ANGPT4: variants seen among roughly 807,000 people sequenced by gnomAD.
The protein encoded by ANGPT4 is angiopoietin 4, also known as angiopoietin-4.
ANGPT4 carries 50 observed loss-of-function variants against 53.0 expected under a neutral mutation model. That is an observed-to-expected ratio of 0.94 (90% CI 0.75 to 1.20). The LOEUF is 1.20. Among genes scored for constraint, ANGPT4 ranks in the 50% most tolerant of loss-of-function variants. The pLI, the probability that ANGPT4 is intolerant of heterozygous loss-of-function variation, is 0.00. For synonymous variants in ANGPT4, 251 were observed against 259.7 expected, an observed-to-expected ratio of 0.97 and a Z score of 0.32; for missense variants, 648 against 637.1, an observed-to-expected ratio of 1.02 and a Z score of -0.18.
chr20:879,789 A>T lies in ANGPT4; in HGVS notation c.1011T>A (p.Asn337Lys). 6.2e-7 allele frequency: 1 copy of T among 1,613,794 alleles called. No individual in the cohort carries two copies. The highest frequency in any genetic ancestry group is 8.5e-7 in the Non-Finnish European group (1 of 1,179,834). The change falls in exon 6 of 9, where the codon AAT (asparagine) becomes AAA (lysine). Residue 337 changes from asparagine to lysine, a missense_variant. Coordinates refer to ENST00000381922, the MANE Select transcript of ANGPT4 (RefSeq NM_015985.4). ...AGTTCCGCTGAAAATTCACGGTGCC[A>T]TTCTCACGGCGCTGGATGAGGGTCC... ...GRWTLIQRRE[N>K]GTVNFQRNWK...
At chr20:873,257 G>A (rs1981019681) in intron 8 of ANGPT4, 137 bp from the exon 9 acceptor site, 4 of 763,106 alleles carry the variant, frequency 5.2e-6, no homozygotes, top group South Asian at 1.8e-5. Flanking sequence ...GGCTGGGGAT[G>A]GGGCTGGGTG....
intron 1 of ANGPT4, among the ~76,000 whole-genome samples, chr20:897,261 C>T (rs764973106): frequency 1.3e-4 from 20 of 152,222 alleles, no homozygotes; most frequent in South Asian, 6.2e-4. Context: ...CAGGAGGACT[C>T]CTTCAGGAGA....
chr20:912,361 C>T (rs950826238), intron 1 of ANGPT4, among the ~76,000 whole-genome samples: 1 of 152,170 alleles, frequency 6.6e-6, no homozygotes, highest in Non-Finnish European at 1.5e-5. Flanking sequence ...AGGGAAGGGC[C>T]AGCACTGGGT....
Position 891,168 on chromosome 20 carries a change from C to T in ANGPT4, c.310-800G>A, listed in dbSNP as rs573107692. On this transcript the variant is annotated intron_variant, in intron 1 of 8. Coordinates refer to ENST00000381922, the MANE Select transcript of ANGPT4 (RefSeq NM_015985.4). Reference sequence around the variant, plus strand: ...AAACAGCAAGGGTCAGAGCACAGCGCCCAATCACATGCCCCTTCACCAGCT... The same window carrying T: ...AAACAGCAAGGGTCAGAGCACAGCGTCCAATCACATGCCCCTTCACCAGCT... 2.6e-5 allele frequency among the ~76,000 whole-genome samples: 4 copies of T among 152,308 alleles called. No individual in the cohort carries two copies. The South Asian group carries it at 8.3e-4, about 32-fold the overall frequency.
At chr20:901,527 C>T (rs1256977750) in intron 1 of ANGPT4, among the ~76,000 whole-genome samples, 1 of 152,210 alleles carries the variant, frequency 6.6e-6, no homozygotes, top group Admixed American at 6.5e-5. Flanking sequence ...TCCACCTGCA[C>T]TCAGGTGATT....
chr20:890,087 G>A (rs61591126), intron 2 of ANGPT4, 126 bp downstream of exon 2: 43,006 of 1,180,658 alleles, frequency 0.036, 883 homozygotes, highest in East Asian at 0.04. Flanking sequence ...AGGGACCCGG[G>A]GGGCTACAGG....
In ANGPT4 at chr20:872,820, T is replaced by C. The variant is rs1461672690; in HGVS notation, c.*140A>G. ...GGGGCAGATGACCCTTCTGGACTTC[T>C]GGGTCAAGGAGGGCTGGCTCAGGAA... On this transcript the variant is annotated 3_prime_UTR_variant, in exon 9 of 9. Coordinates refer to ENST00000381922, the MANE Select transcript of ANGPT4 (RefSeq NM_015985.4). 13 of 1,089,238 alleles carry C rather than the reference T, an allele frequency of 1.2e-5. No homozygotes were observed. Among genetic ancestry groups the C allele is most frequent in the Non-Finnish European group, 1.6e-5 (12 of 752,512 alleles). The allele number at this position is 1,089,238 out of a possible 1,614,324, so 67.5% of individuals were successfully genotyped here.
In ANGPT4 at chr20:913,045, G is replaced by A. The variant is rs538382982; in HGVS notation, c.309+2861C>T. On this transcript the variant is annotated intron_variant, in intron 1 of 8. Coordinates refer to ENST00000381922, the MANE Select transcript of ANGPT4 (RefSeq NM_015985.4). ...CAGGCTGAGCAGATGATGGCTTCTG[G>A]GATTCGCGACAGGAAGGATCTCCCC... is the stretch of plus-strand genomic sequence containing the variant. Among the ~76,000 whole-genome samples, 6 of 152,162 alleles carry A rather than the reference G, an allele frequency of 3.9e-5. No homozygotes were observed. In the South Asian group the frequency reaches 1.2e-3, roughly 32 times the overall value.
Position 916,174 on chromosome 20 carries a change from A to G in ANGPT4, c.41T>C (p.Leu14Pro). 6.2e-7 allele frequency: 1 copy of G among 1,614,002 alleles called. No homozygotes were observed. The highest frequency in any genetic ancestry group is 8.5e-7 in the Non-Finnish European group (1 of 1,179,930). The change falls in exon 1 of 9, where the codon CTT becomes CCT. Residue 14 changes from leucine (L) to proline (P), a missense_variant. Leu to Pro is a moderately conservative substitution (Grantham distance 98). Transcript: ENST00000381922. ...AGCCACAGACATGGTGGCAACCACA[A>G]GGAGGAGGCTGCCCTGCAGCATGGC... ...QLAMLQGSLL[L>P]VVATMSVAQQ...
At chr20:879,321 T>C (rs1276151084) in intron 6 of ANGPT4, among the ~76,000 whole-genome samples, 2 of 152,146 alleles carry the variant, frequency 1.3e-5, no homozygotes, top group African/African-American at 4.8e-5. Context: ...TCTCATCTGA[T>C]AAAATACATG....
chr20:885,197 C>A lies in ANGPT4; in HGVS notation c.716G>T (p.Arg239Leu). The change falls in exon 4 of 9, where the codon CGC becomes CTC. Residue 239 changes from arginine (R) to leucine (L), a missense_variant. Transcript: ENST00000381922. The part of the protein sequence containing the change: ...RQSAALTNIE[R>L]GLRGVRHNSS... ...GTTGTGCCTGACACCGCGCAGGCCG[C>A]GCTCGATGTTGGTGAGGGCGGCGCT... The A allele has an allele frequency of 6.2e-7, 1 of 1,600,996 alleles. No individual in the cohort carries two copies. Among genetic ancestry groups the A allele is most frequent in the South Asian group, 1.1e-5 (1 of 89,392 alleles).
At position 874,432 on chromosome 20, in the gene ANGPT4, G is replaced by A; in HGVS notation, c.1221-18C>T. 1.9e-6 allele frequency: 3 copies of A among 1,612,610 alleles called. No individual in the cohort carries two copies. The highest frequency in any genetic ancestry group is 2.2e-5 in the East Asian group (1 of 44,866). ...CAGAAAGCCTGGAGGCCACCCAGAG[G>A]TGGTGGTGGCAGAAGGGCCCAGAGT... On this transcript the variant is annotated intron_variant, in intron 7 of 8. Transcript: ENST00000381922.
intron 1 of ANGPT4, among the ~76,000 whole-genome samples, chr20:910,768 C>T (rs1319555367): frequency 6.6e-6 from 1 of 152,124 alleles, no homozygotes; most frequent in Non-Finnish European, 1.5e-5. Flanking sequence ...CAAATAAACC[C>T]GTCCTTTTGG....
chr20:884,090 T>C (rs1981512788), intron 4 of ANGPT4, among the ~76,000 whole-genome samples: 1 of 152,150 alleles, frequency 6.6e-6, no homozygotes, highest in African/African-American at 2.4e-5. Flanking sequence ...CAGTAGCCCC[T>C]TTGGTCTTTC....
intron 2 of ANGPT4, among the ~76,000 whole-genome samples, chr20:889,929 G>A (rs1981766954): frequency 6.6e-6 from 1 of 152,210 alleles, no homozygotes; most frequent in Non-Finnish European, 1.5e-5. Flanking sequence ...CTGAGGGCAA[G>A]GGAGCTGTGC....
At chr20:913,472 A>G (rs1211957386) in intron 1 of ANGPT4, among the ~76,000 whole-genome samples, 3 of 152,200 alleles carry the variant, frequency 2.0e-5, no homozygotes, top group African/African-American at 7.2e-5. Context: ...CTTAGGCCCT[A>G]CGGCACTCTA....
Position 885,143 on chromosome 20 carries a change from C to T in ANGPT4, c.770G>A (p.Ser257Asn), listed in dbSNP as rs1235029313. 3.1e-6 allele frequency: 5 copies of T among 1,611,994 alleles called. No homozygotes were observed. In the African/African-American group the frequency reaches 6.7e-5, roughly 22 times the overall value. ...CAACAACACCAGCAGCTGGCGCAGGCTGTGCTGCTGGTCCTGCAGGAGGCT... is the reference window on the plus strand; with the variant it reads ...CAACAACACCAGCAGCTGGCGCAGGTTGTGCTGCTGGTCCTGCAGGAGGCT... ...NSSLLQDQQHSLRQLLVLLRH... is the reference protein window; with the variant it reads ...NSSLLQDQQHNLRQLLVLLRH... Residue 257 changes from serine (S) to asparagine (N), a missense_variant, in exon 4 of 9, where the codon AGC (serine) becomes AAC (asparagine). Physicochemically the swap from Ser to Asn is conservative, Grantham distance 46. Coordinates refer to ENST00000381922, the MANE Select transcript of ANGPT4 (RefSeq NM_015985.4).
chr20:890,073 G>A (rs1200007157), intron 2 of ANGPT4, 140 bp downstream of exon 2: 13 of 1,031,976 alleles, frequency 1.3e-5, no homozygotes, highest in Non-Finnish European at 1.8e-5. Context: ...GTTCATCAGG[G>A]AGGAGGGACC....
At chr20:899,613 T>C (rs1982207066) in intron 1 of ANGPT4, among the ~76,000 whole-genome samples, 1 of 152,128 alleles carries the variant, frequency 6.6e-6, no homozygotes, top group African/African-American at 2.4e-5. Flanking sequence ...GTACCCTTAT[T>C]AGGCCAAGAC....
Sources: gnomAD v4.1 joint callset for allele counts (sites outside exome capture counted in the v4.1 genomes callset) on GRCh38, gnomAD v4.1.1 for gene constraint, MANE v1.5 for transcripts, NCBI Gene and HGNC (gene_info 2026-07-23, HGNC 2026-07-21) for gene names.